MEF2C: variants seen among roughly 807,000 people sequenced by gnomAD.
MEF2C encodes the protein myocyte-specific enhancer factor 2C.
In MEF2C, 6 loss-of-function variants were observed where a neutral mutation model predicts 50.5. That is an observed-to-expected ratio of 0.12 (90% confidence interval 0.07 to 0.23). MEF2C has a LOEUF of 0.23. MEF2C is among the 10% of genes least tolerant of loss of function. The pLI, the probability that MEF2C is intolerant of heterozygous loss-of-function variation, is 1.00. For synonymous variants in MEF2C, 183 were observed against 228.0 expected, an observed-to-expected ratio of 0.80 and a Z score of 1.78; for missense variants, 276 against 605.0, an observed-to-expected ratio of 0.46 and a Z score of 5.70.
intron 6 of MEF2C, chr5:88,741,545 C>T (rs769131421): frequency 1.8e-4 from 181 of 985,174 alleles, no homozygotes; most frequent in Non-Finnish European, 2.1e-4. Flanking sequence ...CACTGAGTTG[C>T]TTAATATTAG....
chr5:88,747,989 T>C, intron 6 of MEF2C: 3 of 940,964 alleles, frequency 3.2e-6, no homozygotes, highest in Non-Finnish European at 3.8e-6. Flanking sequence ...CTCGACCTAA[T>C]TTTCAAAAGA....
At chr5:88,842,449 T>C (rs1817725183) in intron 1 of MEF2C, among the ~76,000 whole-genome samples, 8 of 151,910 alleles carry the variant, frequency 5.3e-5, no homozygotes. Context: ...ATTTCTATTA[T>C]ATGAGGATGA....
At position 88,804,748 on chromosome 5, in the gene MEF2C, G is replaced by A. The variant is rs143129901; in HGVS notation, c.108C>T (p.Ser36=). The A allele has an allele frequency of 6.2e-7, 1 of 1,614,114 alleles. No homozygotes were observed. Among genetic ancestry groups the A allele is most frequent in the East Asian group, 2.2e-5 (1 of 44,882 alleles). ...FGLMKKAYEL[S]VLCDCEIALI... ...GCGCAATCTCACAGTCACACAGCACGCTCAGCTCATAAGCCTTCTTCATCA... is the reference window on the plus strand; with the variant it reads ...GCGCAATCTCACAGTCACACAGCACACTCAGCTCATAAGCCTTCTTCATCA... The change falls in exon 3 of 11, where the codon AGC becomes AGT. Residue 36 remains serine (S), a synonymous_variant. Transcript: ENST00000504921.
At chr5:88,799,621 A>G (rs1055101996) in intron 3 of MEF2C, among the ~76,000 whole-genome samples, 8 of 152,178 alleles carry the variant, frequency 5.3e-5, no homozygotes, top group African/African-American at 1.9e-4. Flanking sequence ...CACCATTGTG[A>G]AGCTATACAA....
chr5:88,723,060 A>G, intron 10 of MEF2C, 135 bp from the exon 11 acceptor site: 1 of 791,622 alleles, frequency 1.3e-6, no homozygotes, highest in Non-Finnish European at 2.0e-6. Context: ...ACGTGCTTGG[A>G]AGCACATAAG....
chr5:88,790,713 C>T (rs566345381), intron 3 of MEF2C, among the ~76,000 whole-genome samples: 1 of 152,020 alleles, frequency 6.6e-6, no homozygotes, highest in Non-Finnish European at 1.5e-5. Context: ...CACATCGGAT[C>T]TCACCAAAGA....
intron 3 of MEF2C, among the ~76,000 whole-genome samples, chr5:88,763,124 A>G (rs1778573670): frequency 3.9e-5 from 6 of 152,206 alleles, no homozygotes. Flanking sequence ...TTAATGTTAT[A>G]GTGGTATAAT....
intron 6 of MEF2C, chr5:88,737,008 G>A (rs1764397056): frequency 1.0e-6 from 1 of 985,174 alleles, no homozygotes; most frequent in Non-Finnish European, 1.2e-6. Flanking sequence ...GCAATTAGTG[G>A]CAGCGATAAT....
rs948923457 is a variant in MEF2C at position 88,735,324 on chromosome 5, T to C, written c.638-3423A>G. ...GGGAAACACCACCTCTCAACAACCT[T>C]CTAATATATGGATTCAACCTTTTTT... On this transcript the variant is annotated intron_variant, in intron 6 of 10. Coordinates refer to ENST00000504921, the MANE Select transcript of MEF2C (RefSeq NM_002397.5). The C allele has an allele frequency of 3.2e-5, 32 of 985,354 alleles. No individual in the cohort carries two copies. In the African/African-American group the frequency reaches 5.1e-4, roughly 16 times the overall value. 61.0% of individuals were successfully genotyped at this position (985,354 alleles called of 1,614,324 possible). A position where few individuals can be genotyped will look rare whatever the true frequency, so the allele number is the denominator to read the frequency against.
intron 1 of MEF2C, among the ~76,000 whole-genome samples, chr5:88,849,076 G>A (rs187870510): frequency 9.2e-4 from 138 of 150,748 alleles, no homozygotes; most frequent in Admixed American, 1.4e-3. Flanking sequence ...GCTTGAACCC[G>A]GGAGGCAGAG....
In MEF2C at chr5:88,718,666, A is replaced by T. The variant is rs1755295213; in HGVS notation, c.*3938T>A. 6.6e-6 allele frequency: 1 copy of T among 152,238 alleles called. No individual in the cohort carries two copies. The highest frequency in any genetic ancestry group is 2.4e-5 in the African/African-American group (1 of 41,464). The allele number at this position is 152,238 out of a possible 1,614,324, so 9.4% of individuals were successfully genotyped here. On this transcript the variant is annotated 3_prime_UTR_variant, in exon 11 of 11. Transcript: ENST00000504921. ...CATTCAAACCACAACAGAATCCGTC[A>T]CTTAACTGACCTCTCTGAATTAAAC...
At chr5:88,729,386 T>A in intron 8 of MEF2C, 39 bp from the exon 9 acceptor site, 1 of 1,525,930 alleles carries the variant, frequency 6.6e-7, no homozygotes, top group African/African-American at 1.4e-5. Flanking sequence ...GATGAATTTT[T>A]TTAAAAGTTA....
intron 1 of MEF2C, among the ~76,000 whole-genome samples, chr5:88,889,844 G>T (rs1834343233): frequency 6.6e-6 from 1 of 152,106 alleles, no homozygotes; most frequent in African/African-American, 2.4e-5. Flanking sequence ...GCTCGGGATG[G>T]GCTCAGAGCG....
At chr5:88,820,505 C>CATTTCACACTTGA (rs1433452130) in intron 2 of MEF2C, among the ~76,000 whole-genome samples, 8 of 151,982 alleles carry the variant, frequency 5.3e-5, no homozygotes, top group Admixed American at 2.0e-4. Flanking sequence ...CTTATAACAT[C>CATTTCACACTTGA]AGTGCTGTAA....
chr5:88,752,065 CA>C, intron 4 of MEF2C, 22 bp from the exon 5 acceptor site: 2 of 1,575,714 alleles, frequency 1.3e-6, no homozygotes, highest in Non-Finnish European at 1.7e-6. Flanking sequence ...GAAAACAAAA[CA>C]AAGGTAAAAG....
intron 2 of MEF2C, among the ~76,000 whole-genome samples, chr5:88,820,942 T>C (rs1808042422): frequency 6.6e-6 from 1 of 151,992 alleles, no homozygotes; most frequent in Admixed American, 6.6e-5. Context: ...AAATAATCAC[T>C]GAAATATATA....
intron 1 of MEF2C, among the ~76,000 whole-genome samples, chr5:88,898,755 A>G (rs1315804120): frequency 6.6e-6 from 1 of 152,168 alleles, no homozygotes; most frequent in African/African-American, 2.4e-5. Context: ...AAAAATAGCA[A>G]TAATAAATGA....
At chr5:88,865,026 T>C (rs181189597) in intron 1 of MEF2C, among the ~76,000 whole-genome samples, 1 of 151,860 alleles carries the variant, frequency 6.6e-6, no homozygotes, top group Admixed American at 6.6e-5. Context: ...CCTCCGAAAG[T>C]GCTGGGGTTA....
At chr5:88,818,912 C>T (rs374659390) in intron 2 of MEF2C, among the ~76,000 whole-genome samples, 7 of 152,068 alleles carry the variant, frequency 4.6e-5, no homozygotes, top group African/African-American at 1.4e-4. Flanking sequence ...GTTCAAAGAG[C>T]CTGAGTCTTA....
Sources: gnomAD v4.1 joint callset for allele counts (sites outside exome capture counted in the v4.1 genomes callset) on GRCh38, gnomAD v4.1.1 for gene constraint, MANE v1.5 for transcripts, NCBI Gene and HGNC (gene_info 2026-07-23, HGNC 2026-07-21) for gene names.